ZNF624: variants seen among roughly 807,000 people sequenced by gnomAD.
The protein encoded by ZNF624 is zinc finger protein 624.
Under a neutral mutation model 74.7 loss-of-function variants are expected in ZNF624, and 43 were observed. That is an observed-to-expected ratio of 0.58 (90% CI 0.45 to 0.74). ZNF624 has a LOEUF of 0.74. ZNF624 is among the 30% of genes least tolerant of loss of function. The pLI, the probability that ZNF624 is intolerant of heterozygous loss-of-function variation, is 0.00. For missense variants in ZNF624, 820 were observed against 1,030.0 expected (o/e 0.80, Z 2.79); for synonymous variants, 331 against 341.3 (o/e 0.97, Z 0.33).
chr17:16,651,302 C>T (rs928980317), intron 1 of ZNF624, among the ~76,000 whole-genome samples: 2 of 151,686 alleles, frequency 1.3e-5, no homozygotes, highest in South Asian at 2.1e-4. Context: ...TGGTGGTGCA[C>T]GCCTGTAGTC....
chr17:16,626,202 C>T (rs911449249), intron 5 of ZNF624, among the ~76,000 whole-genome samples: 2 of 152,184 alleles, frequency 1.3e-5, no homozygotes, highest in South Asian at 2.1e-4. Flanking sequence ...CCACCCTCCT[C>T]GGCCTTCCAA....
rs1908890878 is a variant in ZNF624 at position 16,620,809 on chromosome 17, A to G, written c.*1479T>C. 6.6e-6 allele frequency: 1 copy of G among 152,236 alleles called. No homozygotes were observed. The highest frequency in any genetic ancestry group is 2.4e-5 in the African/African-American group (1 of 41,466). The allele number at this position is 152,236 out of a possible 1,614,324, so 9.4% of individuals were successfully genotyped here. On this transcript the variant is annotated 3_prime_UTR_variant, in exon 6 of 6. Coordinates refer to ENST00000311331, the MANE Select transcript of ZNF624 (RefSeq NM_020787.4). ...AAATTAACTTAAAAACACAGAAAAG[A>G]AAGTAAAAAACAAAAAATTGATGAA... is the stretch of plus-strand genomic sequence containing the variant.
rs1908925864 is a variant in ZNF624 at position 16,622,009 on chromosome 17, G to C, written c.*279C>G. 1 of 219,260 alleles carries C rather than the reference G, an allele frequency of 4.6e-6. No homozygotes were observed. The highest frequency in any genetic ancestry group is 2.3e-5 in the African/African-American group (1 of 43,930). 13.6% of individuals were successfully genotyped at this position (219,260 alleles called of 1,614,324 possible). A position where few individuals can be genotyped will look rare whatever the true frequency, so the allele number is the denominator to read the frequency against. ...GACAGATAAATGAATAGAAAAATAGGCAAATACATATATAGGCAATTAACT... is the reference window on the plus strand; with the variant it reads ...GACAGATAAATGAATAGAAAAATAGCCAAATACATATATAGGCAATTAACT... On this transcript the variant is annotated 3_prime_UTR_variant, in exon 6 of 6. Transcript: ENST00000311331.
Position 16,652,763 on chromosome 17 carries a change from T to C in ZNF624, c.-3+1001A>G, listed in dbSNP as rs899023365. Among the ~76,000 whole-genome samples the C allele has an allele frequency of 3.9e-5, 6 of 152,184 alleles. No homozygotes were observed. In the South Asian group the frequency reaches 1.0e-3, roughly 26 times the overall value. On this transcript the variant is annotated intron_variant, in intron 1 of 5. Coordinates refer to ENST00000311331, the MANE Select transcript of ZNF624 (RefSeq NM_020787.4). The stretch of plus-strand genomic sequence containing the variant: ...AAGCAGACAAGAAGAAGTATCTACC[T>C]ATACATAGGAGTGTGGAATAGGAAT...
chr17:16,651,897 GAAAT>G (rs1260623935), intron 1 of ZNF624, among the ~76,000 whole-genome samples: 1 of 151,998 alleles, frequency 6.6e-6, no homozygotes, highest in Non-Finnish European at 1.5e-5. Flanking sequence ...TACACCTTAA[GAAAT>G]ATTTAGTTTA....
chr17:16,649,746 C>G lies in ZNF624; in HGVS notation c.-2G>C, dbSNP rs570154654. 6 of 1,612,430 alleles carry G rather than the reference C, an allele frequency of 3.7e-6. No individual in the cohort carries two copies. The South Asian group carries it at 6.6e-5, about 18-fold the overall frequency. On this transcript the variant is annotated splice_region_variant and 5_prime_UTR_variant, in exon 2 of 6. Coordinates refer to ENST00000311331, the MANE Select transcript of ZNF624 (RefSeq NM_020787.4). ...AAGAGTGGAGTCTTGCAAAGACATACCTAAGGAAGAGAAATAAGCCATGGA... is the reference window on the plus strand; with the variant it reads ...AAGAGTGGAGTCTTGCAAAGACATAGCTAAGGAAGAGAAATAAGCCATGGA...
intron 5 of ZNF624, among the ~76,000 whole-genome samples, chr17:16,629,963 G>A (rs1328536078): frequency 6.6e-6 from 1 of 152,150 alleles, no homozygotes; most frequent in African/African-American, 2.4e-5. Flanking sequence ...AGTTTTAGTG[G>A]AGCACAACCA....
chr17:16,649,878 G>A (rs1909680392), intron 1 of ZNF624, 132 bp from the exon 2 acceptor site: 1 of 678,866 alleles, frequency 1.5e-6, no homozygotes, highest in Admixed American at 2.5e-5. Flanking sequence ...AGATCAGTGA[G>A]GGACAAAGAC....
intron 1 of ZNF624, among the ~76,000 whole-genome samples, chr17:16,652,163 G>A (rs1321598039): frequency 2.0e-5 from 3 of 151,966 alleles, no homozygotes; most frequent in Non-Finnish European, 2.9e-5. Context: ...GGGGGGGTAC[G>A]GACCCATCTG....
At chr17:16,638,270 C>T (rs1032601247) in intron 3 of ZNF624, among the ~76,000 whole-genome samples, 7 of 152,036 alleles carry the variant, frequency 4.6e-5, no homozygotes, top group African/African-American at 7.2e-5. Context: ...TTGGTGGGAC[C>T]GGAAACTAGT....
At chr17:16,634,518 C>A (rs1909280026) in intron 4 of ZNF624, 112 bp downstream of exon 4, 5 of 1,181,290 alleles carry the variant, frequency 4.2e-6, no homozygotes, top group Middle Eastern at 2.0e-4. Context: ...CATAACCCAA[C>A]AATGTGCCCC....
At chr17:16,642,087 A>G (rs1415766542) in intron 3 of ZNF624, among the ~76,000 whole-genome samples, 1 of 152,224 alleles carries the variant, frequency 6.6e-6, no homozygotes, top group African/African-American at 2.4e-5. Flanking sequence ...CTCCAAATTG[A>G]TCAACAGATT....
rs531530609 is a variant in ZNF624 at position 16,621,584 on chromosome 17, G to T, written c.*704C>A. The T allele has an allele frequency of 2.0e-5, 3 of 152,318 alleles. No homozygotes were observed. The highest frequency in any genetic ancestry group is 7.2e-5 in the African/African-American group (3 of 41,576). The allele number at this position is 152,318 out of a possible 1,614,324, so 9.4% of individuals were successfully genotyped here. ...TAATTTTTGCCAGATCCATGAAGGG[G>T]AAGTTTCATCTCACTGAGCATTTCA... On this transcript the variant is annotated 3_prime_UTR_variant, in exon 6 of 6. Coordinates refer to ENST00000311331, the MANE Select transcript of ZNF624 (RefSeq NM_020787.4).
intron 1 of ZNF624, among the ~76,000 whole-genome samples, chr17:16,650,343 C>T (rs996094803): frequency 7.3e-5 from 11 of 151,574 alleles, no homozygotes; most frequent in African/African-American, 2.4e-4. Context: ...TTTACCCCTC[C>T]GAATCTGATA....
intron 1 of ZNF624, among the ~76,000 whole-genome samples, chr17:16,650,057 T>TA (rs1482759572): frequency 2.6e-5 from 4 of 152,038 alleles, no homozygotes; most frequent in African/African-American, 4.8e-5. Context: ...CTAAAAAAAT[T>TA]AAAGTACCCA....
chr17:16,615,143 G>A, the ZNF624 span, among the ~76,000 whole-genome samples: 1 of 152,122 alleles, frequency 6.6e-6, no homozygotes, highest in Non-Finnish European at 1.5e-5. Flanking sequence ...TGTCGCCCAG[G>A]CTGGAGTGCA....
chr17:16,614,972 T>G, the ZNF624 span, among the ~76,000 whole-genome samples: 1 of 152,226 alleles, frequency 6.6e-6, no homozygotes, highest in Non-Finnish European at 1.5e-5. Flanking sequence ...TACTGTATGA[T>G]TCTACTTATA....
chr17:16,643,714 C>G (rs1236135983), intron 3 of ZNF624, among the ~76,000 whole-genome samples: 1 of 152,148 alleles, frequency 6.6e-6, no homozygotes, highest in Non-Finnish European at 1.5e-5. Context: ...GCCAGAAGGA[C>G]AATCTTTTTC....
At chr17:16,651,779 CA>C (rs2142670810) in intron 1 of ZNF624, among the ~76,000 whole-genome samples, 1 of 152,032 alleles carries the variant, frequency 6.6e-6, no homozygotes, top group Non-Finnish European at 1.5e-5. Context: ...TCTGAGAATG[CA>C]AAAAACTCAC....
Sources: gnomAD v4.1 joint callset for allele counts (sites outside exome capture counted in the v4.1 genomes callset) on GRCh38, gnomAD v4.1.1 for gene constraint, MANE v1.5 for transcripts, NCBI Gene and HGNC (gene_info 2026-07-23, HGNC 2026-07-21) for gene names.